SLFN12L: variants seen among roughly 807,000 people sequenced by gnomAD.
SLFN12L encodes schlafen family member 12 like.
A neutral mutation model predicts 34.8 loss-of-function variants in SLFN12L; 34 were observed. That is an observed-to-expected ratio of 0.98 (90% CI 0.74 to 1.30). The LOEUF is 1.30. Ranked by LOEUF, SLFN12L falls within the 50% of genes most tolerant of loss-of-function variation. The pLI is 0.00. For synonymous variants in SLFN12L, 259 were observed against 247.5 expected (o/e 1.05, Z -0.44); for missense variants, 703 against 696.2 (o/e 1.01, Z -0.11).
intron 2 of SLFN12L, among the ~76,000 whole-genome samples, chr17:35,521,875 A>G (rs1256271991): frequency 6.6e-6 from 1 of 152,146 alleles, no homozygotes; most frequent in Admixed American, 6.5e-5. Context: ...CTCTGTCTCA[A>G]GAAAATGAAA....
At position 35,475,389 on chromosome 17, in the gene SLFN12L, C is replaced by T. The variant is rs771593653; in HGVS notation, c.1373G>A (p.Gly458Asp). 7.4e-6 allele frequency: 12 copies of T among 1,614,130 alleles called. No homozygotes were observed. Among genetic ancestry groups the T allele is most frequent in the South Asian group, 2.2e-5 (2 of 91,082 alleles). Residue 458 changes from glycine (G) to aspartate (D), a missense_variant, in exon 5 of 5, where the codon GGC becomes GAC. Coordinates refer to ENST00000628453, the MANE Select transcript of SLFN12L (RefSeq NM_001363830.2). ...GLKQLICEEMGSVNKGSLIFS... is the reference protein window; with the variant it reads ...GLKQLICEEMDSVNKGSLIFS... ...GATCAGTGAGCCCTTATTGACAGAG[C>T]CCATTTCTTCACATATTAATTGCTT...
Position 35,515,921 on chromosome 17 carries a change from C to T in SLFN12L, c.86+6358G>A, listed in dbSNP as rs572495690. ...CCTCCCAAAGTGCTGAGATTACAGG[C>T]GTGAGCCACCGCACCCCGCCAGTGT... On this transcript the variant is annotated intron_variant, in intron 2 of 4. Coordinates refer to ENST00000628453, the MANE Select transcript of SLFN12L (RefSeq NM_001363830.2). Among the ~76,000 whole-genome samples the T allele has an allele frequency of 3.9e-5, 6 of 152,088 alleles. No individual in the cohort carries two copies. In the East Asian group the frequency reaches 5.8e-4, roughly 15 times the overall value.
intron 2 of SLFN12L, chr17:35,490,876 G>A (rs961450977): frequency 3.1e-5 from 27 of 872,550 alleles, no homozygotes; most frequent in Non-Finnish European, 5.0e-5. Context: ...CTTATGTCCA[G>A]AAGAGACTGA....
In SLFN12L at chr17:35,469,646, T is replaced by C. The variant is rs1171569004; in HGVS notation, c.*5277A>G. On this transcript the variant is annotated 3_prime_UTR_variant, in exon 5 of 5. Coordinates refer to ENST00000628453, the MANE Select transcript of SLFN12L (RefSeq NM_001363830.2). ...CCCAGGGGCAATGGGTCTTACTGTG[T>C]TTTCCTAGGTTCTGTACTTGTCTAT... 6.6e-6 allele frequency among the ~76,000 whole-genome samples: 1 copy of C among 152,026 alleles called. No individual in the cohort carries two copies. Among genetic ancestry groups the C allele is most frequent in the Non-Finnish European group, 1.5e-5 (1 of 68,032 alleles).
rs555281101 is a variant in SLFN12L, at chr17:35,502,053, AAG to A, written c.86+20224_86+20225del. Among the ~76,000 whole-genome samples, 180 of 151,840 alleles carry A rather than the reference AAG, an allele frequency of 1.2e-3. 1 individual carries two copies. The highest frequency in any genetic ancestry group is 2.1e-3 in the Non-Finnish European group (141 of 67,872). On this transcript the variant is annotated intron_variant, in intron 2 of 4. Coordinates refer to ENST00000628453, the MANE Select transcript of SLFN12L (RefSeq NM_001363830.2). ...AGAGACAGAGGCAAAAGGAAAGTCA[AAG>A]AGAGAGAGAGAGACAGAAAGTCAAA... is the stretch of plus-strand genomic sequence containing the variant.
intron 2 of SLFN12L, among the ~76,000 whole-genome samples, chr17:35,501,462 G>A (rs538708738): frequency 2.0e-5 from 3 of 152,126 alleles, no homozygotes; most frequent in East Asian, 3.8e-4. Context: ...TTGATACTTC[G>A]GTTTTGGTTT....
intron 4 of SLFN12L, among the ~76,000 whole-genome samples, chr17:35,476,786 C>CAA (rs34696569): frequency 2.8e-5 from 4 of 141,236 alleles, no homozygotes; most frequent in African/African-American, 1.0e-4. Flanking sequence ...TTCTGTCTGC[C>CAA]AAAAAAAAAA....
At chr17:35,475,579 C>A in intron 4 of SLFN12L, 94 bp from the exon 5 acceptor site, 3 of 1,445,096 alleles carry the variant, frequency 2.1e-6, no homozygotes, top group Non-Finnish European at 2.7e-6. Flanking sequence ...AATTCTCCCA[C>A]CAAAAGCAAC....
chr17:35,523,601 C>T (rs1413257043), intron 1 of SLFN12L, among the ~76,000 whole-genome samples: 1 of 152,162 alleles, frequency 6.6e-6, no homozygotes, highest in Non-Finnish European at 1.5e-5. Flanking sequence ...AAACAAGGAA[C>T]AATTACGTGA....
intron 2 of SLFN12L, chr17:35,499,232 G>A: frequency 1.1e-6 from 1 of 895,662 alleles, no homozygotes; most frequent in Non-Finnish European, 1.6e-6. Flanking sequence ...TGCTTAGAAT[G>A]TCCTTACCAA....
rs760814791 is a variant in SLFN12L, at chr17:35,475,438, G to T, written c.1324C>A (p.Leu442Met). Residue 442 changes from leucine (L) to methionine (M), a missense_variant, in exon 5 of 5, where the codon CTG (leucine) becomes ATG (methionine). Leu to Met is a conservative substitution (Grantham distance 15). Transcript: ENST00000628453. Reference protein sequence around the residue: ...TCAPKTFCRNLFSQHEGLKQL... With the variant: ...TCAPKTFCRNMFSQHEGLKQL... ...TTAAGTCCTTCATGTTGTGAGAACA[G>T]ATTTCTGCAGAAGGTTTTTGGAGCA... The T allele has an allele frequency of 1.2e-6, 2 of 1,613,032 alleles. No homozygotes were observed. The highest frequency in any genetic ancestry group is 1.7e-6 in the Non-Finnish European group (2 of 1,179,726).
intron 2 of SLFN12L, among the ~76,000 whole-genome samples, chr17:35,517,911 G>T (rs1315120360): frequency 1.3e-5 from 2 of 152,168 alleles, no homozygotes; most frequent in Non-Finnish European, 2.9e-5. Context: ...ATGGATTAAA[G>T]ACTTAAATGT....
rs889094821 is a variant in SLFN12L at position 35,474,407 on chromosome 17, C to G, written c.*516G>C. The G allele has an allele frequency of 1.3e-5, 2 of 152,600 alleles. No individual in the cohort carries two copies. The highest frequency in any genetic ancestry group is 4.8e-5 in the African/African-American group (2 of 41,430). 9.5% of individuals were successfully genotyped at this position (152,600 alleles called of 1,614,324 possible). On this transcript the variant is annotated 3_prime_UTR_variant, in exon 5 of 5. Transcript: ENST00000628453. Reference sequence around the variant, plus strand: ...GGAAGAAGCGAACATAGGCTAATCCCAGTTTTCCAACATCACGTCAAGTTG... The same window carrying G: ...GGAAGAAGCGAACATAGGCTAATCCGAGTTTTCCAACATCACGTCAAGTTG...
intron 2 of SLFN12L, among the ~76,000 whole-genome samples, chr17:35,508,180 T>A (rs75394104): frequency 6.6e-6 from 1 of 152,306 alleles, no homozygotes; most frequent in African/African-American, 2.4e-5. Context: ...GCCTGCTTGC[T>A]CAATCAATCA....
At chr17:35,475,930 T>A (rs895116481) in intron 4 of SLFN12L, among the ~76,000 whole-genome samples, 1 of 147,032 alleles carries the variant, frequency 6.8e-6, no homozygotes, top group African/African-American at 2.5e-5. Context: ...TATATTTTTT[T>A]AAATTTATAT....
chr17:35,477,388 C>A (rs1914083260), intron 4 of SLFN12L, among the ~76,000 whole-genome samples: 1 of 152,120 alleles, frequency 6.6e-6, no homozygotes, highest in Admixed American at 6.6e-5. Context: ...ACACAAGGCA[C>A]AAAGAGCACT....
chr17:35,475,538 G>C, intron 4 of SLFN12L, 53 bp from the exon 5 acceptor site: 1 of 1,485,972 alleles, frequency 6.7e-7, no homozygotes, highest in Non-Finnish European at 8.9e-7. Flanking sequence ...TCCAACTTAA[G>C]CCATGGATAC....
At chr17:35,513,229 C>T (rs1253900184) in intron 2 of SLFN12L, among the ~76,000 whole-genome samples, 1 of 152,128 alleles carries the variant, frequency 6.6e-6, no homozygotes. Flanking sequence ...CTGAGAAAAT[C>T]CTCAAATGTG....
At chr17:35,479,051 G>T in intron 3 of SLFN12L, 66 bp downstream of exon 3, 1 of 1,217,098 alleles carries the variant, frequency 8.2e-7, no homozygotes, top group Non-Finnish European at 1.1e-6. Context: ...TAATCCCAAA[G>T]ATACAATAAA....
Sources: gnomAD v4.1 joint callset for allele counts (sites outside exome capture counted in the v4.1 genomes callset) on GRCh38, gnomAD v4.1.1 for gene constraint, MANE v1.5 for transcripts, NCBI Gene and HGNC (gene_info 2026-07-23, HGNC 2026-07-21) for gene names.